ADAMTSL3: variants seen among roughly 807,000 people sequenced by gnomAD.
ADAMTSL3 encodes ADAMTS like 3, also known as ADAMTS-like protein 3.
A neutral mutation model predicts 201.7 loss-of-function variants in ADAMTSL3; 128 were observed. The ratio of observed to expected loss-of-function variants is 0.63; its 90% CI spans 0.55 to 0.73. The LOEUF (loss-of-function observed/expected upper bound fraction) is 0.73, where lower values mean the gene tolerates loss of function less well. Ranked by LOEUF, ADAMTSL3 falls within the 30% of genes least tolerant of loss-of-function variation. The pLI, the probability that ADAMTSL3 is intolerant of heterozygous loss-of-function variation, is 0.00. For synonymous variants in ADAMTSL3, 738 were observed against 748.4 expected, an observed-to-expected ratio of 0.99 and a Z score of 0.23; for missense variants, 1,990 against 2,119.6, an observed-to-expected ratio of 0.94 and a Z score of 1.20.
intron 5 of ADAMTSL3, among the ~76,000 whole-genome samples, chr15:83,810,177 A>G (rs933327512): frequency 5.9e-5 from 9 of 152,246 alleles, no homozygotes; most frequent in African/African-American, 2.2e-4. Flanking sequence ...ATTTTTATCA[A>G]CCGAGTCCTC....
chr15:83,949,720 G>A (rs1458124496), intron 19 of ADAMTSL3, among the ~76,000 whole-genome samples: 2 of 152,092 alleles, frequency 1.3e-5, no homozygotes, highest in Non-Finnish European at 2.9e-5. Flanking sequence ...GAGTGAGATG[G>A]TATCTCATTG....
intron 23 of ADAMTSL3, among the ~76,000 whole-genome samples, chr15:84,004,425 A>G (rs2067854792): frequency 6.6e-6 from 1 of 152,208 alleles, no homozygotes; most frequent in Non-Finnish European, 1.5e-5. Flanking sequence ...ATTATCTCAA[A>G]TATCCTCTCA....
At chr15:84,018,384 G>T (rs186363366) in intron 25 of ADAMTSL3, among the ~76,000 whole-genome samples, 2 of 152,178 alleles carry the variant, frequency 1.3e-5, no homozygotes, top group Non-Finnish European at 2.9e-5. Context: ...TGGACAGGGT[G>T]GTGTTTATGG....
At chr15:83,769,460 C>T (rs185061682) in intron 3 of ADAMTSL3, among the ~76,000 whole-genome samples, 11 of 152,202 alleles carry the variant, frequency 7.2e-5, no homozygotes, top group Admixed American at 5.9e-4. Context: ...TGTTTGGTGA[C>T]GTTTACTATA....
chr15:83,874,697 C>T (rs983541316), intron 9 of ADAMTSL3, among the ~76,000 whole-genome samples: 5 of 128,820 alleles, frequency 3.9e-5, no homozygotes. Context: ...ATAGGGGTCC[C>T]AGCCACACCA....
chr15:84,031,711 G>T (rs969819537), intron 28 of ADAMTSL3, among the ~76,000 whole-genome samples: 32 of 152,114 alleles, frequency 2.1e-4, no homozygotes, highest in African/African-American at 7.5e-4. Flanking sequence ...AGAAAACGGA[G>T]ATACTTCTCC....
At chr15:83,892,610 C>A (rs1596366312) in intron 12 of ADAMTSL3, 74 bp from the exon 13 acceptor site, 1 of 1,464,456 alleles carries the variant, frequency 6.8e-7, no homozygotes, top group East Asian at 2.5e-5. Context: ...TAAGGCCATA[C>A]TTTTTGCCAC....
intron 3 of ADAMTSL3, among the ~76,000 whole-genome samples, chr15:83,711,466 T>C (rs936317556): frequency 1.3e-5 from 2 of 152,226 alleles, no homozygotes; most frequent in Admixed American, 6.5e-5. Context: ...GTTTCTGGCC[T>C]GTGTGTATAA....
chr15:83,687,026 A>ACAAAC (rs1450756531), intron 2 of ADAMTSL3, among the ~76,000 whole-genome samples: 1 of 83,058 alleles, frequency 1.2e-5, no homozygotes, highest in Non-Finnish European at 2.0e-5. Context: ...CCCTGTCTCT[A>ACAAAC]CAAACAAACA....
intron 2 of ADAMTSL3, among the ~76,000 whole-genome samples, chr15:83,678,786 T>C (rs2141416314): frequency 9.5e-6 from 1 of 105,386 alleles, no homozygotes; most frequent in South Asian, 3.4e-4. Flanking sequence ...CATTAATATA[T>C]ATGTATATAT....
chr15:84,011,223 A>G (rs1301887471), intron 23 of ADAMTSL3, among the ~76,000 whole-genome samples: 1 of 152,260 alleles, frequency 6.6e-6, no homozygotes, highest in Admixed American at 6.5e-5. Context: ...ATTTACTTTA[A>G]AATAAGCAAA....
At chr15:83,705,050 C>T (rs1439894750) in intron 3 of ADAMTSL3, among the ~76,000 whole-genome samples, 6 of 151,850 alleles carry the variant, frequency 4.0e-5, no homozygotes, top group Non-Finnish European at 7.4e-5. Flanking sequence ...GCTTGGCTGA[C>T]ATGTGTAAGC....
At chr15:83,871,022 CA>C (rs2065070458) in intron 9 of ADAMTSL3, 63 bp downstream of exon 9, 1 of 1,567,220 alleles carries the variant, frequency 6.4e-7, no homozygotes, top group African/African-American at 1.4e-5. Context: ...ATTTTTAAAA[CA>C]ATGAGTTTGT....
chr15:83,890,042 G>C (rs2065473760), intron 10 of ADAMTSL3, 67 bp from the exon 11 acceptor site: 1 of 1,521,048 alleles, frequency 6.6e-7, no homozygotes, highest in Admixed American at 2.0e-5. Context: ...TGTGTGGCAA[G>C]TGATAACTCT....
At chr15:83,867,697 A>G (rs1215722436) in intron 8 of ADAMTSL3, among the ~76,000 whole-genome samples, 8 of 152,202 alleles carry the variant, frequency 5.3e-5, no homozygotes, top group Admixed American at 2.6e-4. Context: ...ATTTATAACT[A>G]TGTTAGCCAT....
chr15:83,885,288 A>T, intron 10 of ADAMTSL3, 76 bp downstream of exon 10: 1 of 1,175,550 alleles, frequency 8.5e-7, no homozygotes. Context: ...TTTGAAGCTG[A>T]TTTTAAAATT....
intron 4 of ADAMTSL3, among the ~76,000 whole-genome samples, chr15:83,783,200 A>G (rs1451462736): frequency 6.6e-6 from 1 of 151,706 alleles, no homozygotes; most frequent in Non-Finnish European, 1.5e-5. Context: ...TTTACCTTCA[A>G]CTTTTAAAAG....
At chr15:83,843,373 C>G (rs765627878) in intron 7 of ADAMTSL3, among the ~76,000 whole-genome samples, 1 of 152,096 alleles carries the variant, frequency 6.6e-6, no homozygotes, top group South Asian at 2.1e-4. Flanking sequence ...TATCAGGTTC[C>G]GTATGCATGC....
intron 3 of ADAMTSL3, among the ~76,000 whole-genome samples, chr15:83,770,309 C>G (rs899157189): frequency 6.6e-6 from 1 of 152,132 alleles, no homozygotes; most frequent in Non-Finnish European, 1.5e-5. Context: ...AACAATTTAT[C>G]ATATTCTGGG....
Sources: allele counts gnomAD v4.1 joint callset (sites outside exome capture counted in the v4.1 genomes callset), GRCh38; gene constraint gnomAD v4.1.1; transcripts MANE v1.5; gene names NCBI Gene and HGNC (gene_info 2026-07-23, HGNC 2026-07-21).